ADGRG1: variants seen among roughly 807,000 people sequenced by gnomAD.
The protein encoded by ADGRG1 is 7-transmembrane protein with no EGF-like N-terminal domains-1.
ADGRG1 carries 53 observed loss-of-function variants against 73.5 expected under a neutral mutation model. The ratio of observed to expected loss-of-function variants is 0.72; its 90% CI spans 0.58 to 0.91. The LOEUF (loss-of-function observed/expected upper bound fraction) is 0.91. Ranked by LOEUF, ADGRG1 falls within the 40% of genes least tolerant of loss-of-function variation. ADGRG1 has a pLI of 0.00. For missense variants in ADGRG1, 795 were observed against 871.8 expected, an observed-to-expected ratio of 0.91 and a Z score of 1.11; for synonymous variants, 394 against 374.4, an observed-to-expected ratio of 1.05 and a Z score of -0.60.
chr16:57,628,889 TGTGAGTGTGTGAGTGTGA>T, intron 1 of ADGRG1, 87 bp downstream of exon 1: 1 of 778,486 alleles, frequency 1.3e-6, no homozygotes, highest in African/African-American at 2.8e-5. Flanking sequence ...TGTGTGAGAG[TGTGAGTGTGTGAGTGTGA>T]GTGTGTGAGA....
intron 11 of ADGRG1, 49 bp downstream of exon 11, chr16:57,659,730 T>G: frequency 6.2e-7 from 1 of 1,607,108 alleles, no homozygotes; most frequent in Non-Finnish European, 8.5e-7. Flanking sequence ...CCCACTTGGC[T>G]CTGGCAAAAC....
At chr16:57,636,031 C>T (rs958261852) in intron 1 of ADGRG1, 19 of 985,322 alleles carry the variant, frequency 1.9e-5, no homozygotes, top group African/African-American at 1.2e-4. Context: ...CCTGCTAGAT[C>T]GCAGGACCCC....
chr16:57,631,206 G>A (rs2037798568), intron 1 of ADGRG1: 1 of 987,040 alleles, frequency 1.0e-6, no homozygotes, highest in Non-Finnish European at 1.2e-6. Flanking sequence ...AGAGGTGGCA[G>A]AGCTGCAGCA....
rs563575269 is a variant in ADGRG1, at chr16:57,655,379, C to A, written c.769-20C>A. The A allele has an allele frequency of 2.5e-6, 4 of 1,611,838 alleles. No individual in the cohort carries two copies. The African/African-American group carries it at 4.0e-5, about 16-fold the overall frequency. The stretch of plus-strand genomic sequence containing the variant: ...ATCTAGGGGTCCGCATTTGGCTGAG[C>A]CCTAAAGGGACCTCTGCAGGAGGAG... On this transcript the variant is annotated intron_variant, in intron 5 of 13. Transcript: ENST00000562631.
chr16:57,661,703 G>A lies in ADGRG1; in HGVS notation c.1671G>A (p.Trp557Ter). The A allele has an allele frequency of 6.2e-7, 1 of 1,613,600 alleles. No homozygotes were observed. The highest frequency in any genetic ancestry group is 8.5e-7 in the Non-Finnish European group (1 of 1,179,794). ...PEGVIYPSMC[W>*]IRDSLVSYIT... ...CTCCTGCCTTTGCCCGCAGGTGCTG[G>A]ATCCGGGACTCCCTGGTCAGCTACA... The change falls in exon 13 of 14, where the codon TGG becomes TGA. Residue 557 changes from tryptophan (W) to a stop codon, truncating the protein, a stop_gained. Coordinates refer to ENST00000562631, the MANE Select transcript of ADGRG1 (RefSeq NM_201525.4). LOFTEE classifies it high-confidence loss of function.
At chr16:57,655,334 T>C (rs574699752) in intron 5 of ADGRG1, 65 bp from the exon 6 acceptor site, 15 of 1,573,096 alleles carry the variant, frequency 9.5e-6, no homozygotes, top group African/African-American at 6.7e-5. Flanking sequence ...TGTGTGTGTG[T>C]GCTAGGGTGG....
intron 11 of ADGRG1, 50 bp from the exon 12 acceptor site, chr16:57,660,718 G>T: frequency 6.8e-7 from 1 of 1,473,516 alleles, no homozygotes; most frequent in Non-Finnish European, 9.4e-7. Context: ...GCAGGGAATG[G>T]GCAGGCCTCA....
chr16:57,631,102 T>G (rs1386831407), intron 1 of ADGRG1: 18 of 956,702 alleles, frequency 1.9e-5, no homozygotes, highest in Non-Finnish European at 2.2e-5. Flanking sequence ...AGTCCCAGTC[T>G]CTGGCTGCTG....
At chr16:57,645,561 A>T (rs1315522866) in intron 1 of ADGRG1, among the ~76,000 whole-genome samples, 2 of 152,122 alleles carry the variant, frequency 1.3e-5, no homozygotes, top group African/African-American at 4.8e-5. Context: ...CAGCTGAGGG[A>T]TGCGGGGCCA....
At chr16:57,659,906 C>G (rs2046661926) in intron 11 of ADGRG1, among the ~76,000 whole-genome samples, 2 of 152,312 alleles carry the variant, frequency 1.3e-5, no homozygotes, top group Admixed American at 6.5e-5. Context: ...ATCACTCACT[C>G]CATTGCAAAG....
intron 1 of ADGRG1, chr16:57,633,599 C>A: frequency 1.3e-6 from 1 of 751,958 alleles, no homozygotes. Context: ...GGCTGTGTGG[C>A]CTGGGACAGG....
Position 57,660,408 on chromosome 16 carries a change from T to G in ADGRG1, c.1556-360T>G, listed in dbSNP as rs1298147546. ...CCGAACGGGCGAGGTCAAGGCCCAGTGCAGACGTCCCCTGATGGCAGAACT... is the reference window on the plus strand; with the variant it reads ...CCGAACGGGCGAGGTCAAGGCCCAGGGCAGACGTCCCCTGATGGCAGAACT... On this transcript the variant is annotated intron_variant, in intron 11 of 13. Transcript: ENST00000562631. 3 of 983,030 alleles carry G rather than the reference T, an allele frequency of 3.1e-6. No homozygotes were observed. In the Admixed American group the frequency reaches 1.8e-4, roughly 60 times the overall value. 60.9% of individuals were successfully genotyped at this position (983,030 alleles called of 1,614,324 possible). A position where few individuals can be genotyped will look rare whatever the true frequency, so the allele number is the denominator to read the frequency against.
At chr16:57,625,204 C>T (rs1413627885), upstream of ADGRG1, among the ~76,000 whole-genome samples, 1 of 152,304 alleles carries the variant, frequency 6.6e-6, no homozygotes, top group Non-Finnish European at 1.5e-5. Flanking sequence ...CTGGGCCTGG[C>T]GACCCCAGTC....
intron 1 of ADGRG1, chr16:57,635,358 G>C: frequency 1.0e-6 from 1 of 985,300 alleles, no homozygotes; most frequent in Non-Finnish European, 1.2e-6. Context: ...AGGTGCACAC[G>C]GTCTGTCCTC....
intron 10 of ADGRG1, chr16:57,658,861 G>A (rs973815805): frequency 4.9e-6 from 3 of 615,474 alleles, no homozygotes; most frequent in African/African-American, 2.0e-5. Flanking sequence ...CATGAGTTAG[G>A]GGCAGGGCAG....
chr16:57,655,129 T>G, intron 5 of ADGRG1: 5 of 985,352 alleles, frequency 5.1e-6, no homozygotes, highest in Non-Finnish European at 6.0e-6. Context: ...AGCTGGCATC[T>G]GAAGCCCCAG....
At chr16:57,639,707 C>A in intron 1 of ADGRG1, 1 of 953,976 alleles carries the variant, frequency 1.0e-6, no homozygotes, top group Non-Finnish European at 1.2e-6. Context: ...TCCTCCCCGT[C>A]CCTTTCACTC....
At chr16:57,634,751 T>G (rs1193305753) in intron 1 of ADGRG1, among the ~76,000 whole-genome samples, 1 of 152,208 alleles carries the variant, frequency 6.6e-6, no homozygotes, top group East Asian at 1.9e-4. Flanking sequence ...CTCCTCTTCA[T>G]GGCTGCTTCC....
chr16:57,655,516 C>G lies in ADGRG1; in HGVS notation c.886C>G (p.Gln296Glu), dbSNP rs1236332070. Residue 296 changes from glutamine to glutamate, a missense_variant, in exon 6 of 14, where the codon CAA (glutamine) becomes GAA (glutamate). Physicochemically the swap from Gln to Glu is conservative, Grantham distance 29 (BLOSUM62 2). Coordinates refer to ENST00000562631, the MANE Select transcript of ADGRG1 (RefSeq NM_201525.4). ...KRLLLVDFSS[Q>E]ALFQDKNSSQ... Reference sequence around the variant, plus strand: ...ACTCCTCCTGGTGGACTTCAGCAGCCAAGCCCTGTTCCAGGTATGGGGTCC... The same window carrying G: ...ACTCCTCCTGGTGGACTTCAGCAGCGAAGCCCTGTTCCAGGTATGGGGTCC... 4 of 1,613,848 alleles carry G rather than the reference C, an allele frequency of 2.5e-6. No homozygotes were observed. The highest frequency in any genetic ancestry group is 1.7e-6 in the Non-Finnish European group (2 of 1,180,016).
Sources: allele counts gnomAD v4.1 joint callset (sites outside exome capture counted in the v4.1 genomes callset), GRCh38; gene constraint gnomAD v4.1.1; transcripts MANE v1.5; gene names NCBI Gene and HGNC (gene_info 2026-07-23, HGNC 2026-07-21).